NRIP1: variants seen among roughly 807,000 people sequenced by gnomAD.
NRIP1 encodes the protein nuclear receptor interacting protein 1.
NRIP1 carries 28 observed loss-of-function variants against 75.0 expected under a neutral mutation model. The ratio of observed to expected loss-of-function variants is 0.37; its 90% confidence interval spans 0.28 to 0.51. The LOEUF is 0.51. NRIP1 is among the 20% of genes least tolerant of loss of function. The probability of loss-of-function intolerance (pLI) is 0.92; values close to 1 mark genes in which losing one functional copy is unlikely to be tolerated. For synonymous variants in NRIP1, 526 were observed against 487.6 expected (o/e 1.08, Z -1.04); for missense variants, 1,435 against 1,343.7 (o/e 1.07, Z -1.06).
intron 2 of NRIP1, among the ~76,000 whole-genome samples, chr21:15,035,065 T>G (rs1327131659): frequency 6.6e-6 from 1 of 152,104 alleles, no homozygotes; most frequent in Non-Finnish European, 1.5e-5. Context: ...GGTTAACTGA[T>G]TTACTAAGAG....
At chr21:15,048,174 C>T (rs2403874) in intron 1 of NRIP1, among the ~76,000 whole-genome samples, 46,037 of 151,920 alleles carry the variant, frequency 0.3, 9,942 homozygotes, top group African/African-American at 0.59. Flanking sequence ...CACCATGACA[C>T]ATATAATAAT....
chr21:15,017,767 T>C (rs1379048718), intron 2 of NRIP1, among the ~76,000 whole-genome samples: 1 of 152,230 alleles, frequency 6.6e-6, no homozygotes, highest in Non-Finnish European at 1.5e-5. Context: ...TACTTGGTAC[T>C]AGCATATGAA....
At chr21:15,002,826 A>G (rs1018009378) in intron 3 of NRIP1, among the ~76,000 whole-genome samples, 16 of 152,224 alleles carry the variant, frequency 1.1e-4, no homozygotes, top group Admixed American at 9.2e-4. Flanking sequence ...ACTTAAAAAT[A>G]TATTGTAATA....
chr21:15,011,645 A>T (rs1373223488), intron 3 of NRIP1, among the ~76,000 whole-genome samples: 1 of 152,266 alleles, frequency 6.6e-6, no homozygotes, highest in Non-Finnish European at 1.5e-5. Flanking sequence ...ACCATGACAT[A>T]TAACAATAAA....
intron 2 of NRIP1, among the ~76,000 whole-genome samples, chr21:15,025,316 A>T (rs1194913978): frequency 6.6e-6 from 1 of 152,158 alleles, no homozygotes; most frequent in Non-Finnish European, 1.5e-5. Context: ...AGGAAATATA[A>T]TTGAAGCCTA....
chr21:14,989,120 T>A (rs146719838), intron 3 of NRIP1, among the ~76,000 whole-genome samples: 1 of 152,312 alleles, frequency 6.6e-6, no homozygotes, highest in African/African-American at 2.4e-5. Flanking sequence ...ACACCACCCC[T>A]AAGATACTGC....
intron 3 of NRIP1, among the ~76,000 whole-genome samples, chr21:14,996,259 A>C (rs1364047085): frequency 6.6e-6 from 1 of 152,074 alleles, no homozygotes; most frequent in Non-Finnish European, 1.5e-5. Context: ...CCTACAGACT[A>C]CCTCCATTCC....
intron 3 of NRIP1, among the ~76,000 whole-genome samples, chr21:15,007,002 G>A (rs2087988758): frequency 6.6e-6 from 1 of 152,172 alleles, no homozygotes; most frequent in Admixed American, 6.5e-5. Context: ...GAGAATGGCA[G>A]CCATTCTAGG....
At position 14,967,040 on chromosome 21, in the gene NRIP1, T is replaced by C; in HGVS notation, c.1153A>G (p.Lys385Glu). Residue 385 changes from lysine (K) to glutamate (E), a missense_variant, in exon 4 of 4, where the codon AAA becomes GAA. By Grantham distance (56) the Lys-to-Glu change is moderately conservative. Transcript: ENST00000318948. ...ATTGGCTTAGGTATAGTCTGGCTTTTAAGAAGATGTAAAAGCAAACTATTG... is the reference window on the plus strand; with the variant it reads ...ATTGGCTTAGGTATAGTCTGGCTTTCAAGAAGATGTAAAAGCAAACTATTG... ...ANNSLLLHLL[K>E]SQTIPKPMNG... 1 of 1,614,184 alleles carries C rather than the reference T, an allele frequency of 6.2e-7. No individual in the cohort carries two copies. Among genetic ancestry groups the C allele is most frequent in the Non-Finnish European group, 8.5e-7 (1 of 1,180,016 alleles).
chr21:14,973,333 G>A (rs192083120), intron 3 of NRIP1, among the ~76,000 whole-genome samples: 107 of 152,182 alleles, frequency 7.0e-4, no homozygotes, highest in Non-Finnish European at 1.3e-3. Context: ...CTCATGAGGT[G>A]CCAGAAGGAA....
intron 3 of NRIP1, among the ~76,000 whole-genome samples, chr21:14,983,758 A>T (rs2087312262): frequency 6.6e-6 from 1 of 152,186 alleles, no homozygotes; most frequent in African/African-American, 2.4e-5. Context: ...CAAAAATCCT[A>T]AACCCTTAAA....
chr21:15,010,471 T>C (rs181046357), intron 3 of NRIP1, among the ~76,000 whole-genome samples: 280 of 151,154 alleles, frequency 1.9e-3, no homozygotes, highest in Middle Eastern at 3.6e-3. Flanking sequence ...CTTAGTCTAG[T>C]AGGGATCTTC....
At chr21:15,050,760 C>T (rs1380898945) in intron 1 of NRIP1, 1 of 455,940 alleles carries the variant, frequency 2.2e-6, no homozygotes, top group Non-Finnish European at 4.4e-6. Flanking sequence ...CCTCTAGGGG[C>T]CAGCCAACGC....
intron 3 of NRIP1, among the ~76,000 whole-genome samples, chr21:14,969,388 G>A (rs1214418132): frequency 6.6e-6 from 1 of 152,108 alleles, no homozygotes; most frequent in East Asian, 1.9e-4. Flanking sequence ...AAGTACAATG[G>A]AGAATGCCAA....
intron 2 of NRIP1, 78 bp downstream of exon 2, chr21:15,043,417 A>G (rs1396315909): frequency 1.3e-5 from 2 of 152,212 alleles, no homozygotes; most frequent in African/African-American, 2.4e-5. Context: ...AAAATGTGGC[A>G]TAACAGTCTT....
At chr21:15,051,317 C>T (rs182065853) in intron 1 of NRIP1, 16 of 157,560 alleles carry the variant, frequency 1.0e-4, no homozygotes, top group Admixed American at 4.3e-4. Flanking sequence ...TTTATTTTCC[C>T]TTGTTCAGGT....
At chr21:14,987,535 A>G (rs995466759) in intron 3 of NRIP1, among the ~76,000 whole-genome samples, 1 of 152,194 alleles carries the variant, frequency 6.6e-6, no homozygotes, top group East Asian at 1.9e-4. Flanking sequence ...ACAGGGGCTT[A>G]GCAAAGGGCA....
At chr21:15,010,649 T>C (rs761597422) in intron 3 of NRIP1, among the ~76,000 whole-genome samples, 11 of 152,260 alleles carry the variant, frequency 7.2e-5, no homozygotes, top group African/African-American at 1.2e-4. Flanking sequence ...ATGTTCATTA[T>C]GCTATTGCAA....
intron 3 of NRIP1, among the ~76,000 whole-genome samples, chr21:15,002,746 T>G (rs1233613790): frequency 6.6e-6 from 1 of 152,180 alleles, no homozygotes; most frequent in Admixed American, 6.5e-5. Context: ...CAGCGCAGTT[T>G]TACATGAATT....
Sources: gnomAD v4.1 joint callset for allele counts (sites outside exome capture counted in the v4.1 genomes callset) on GRCh38, gnomAD v4.1.1 for gene constraint, MANE v1.5 for transcripts, NCBI Gene and HGNC (gene_info 2026-07-23, HGNC 2026-07-21) for gene names.